NRG4: variants seen among roughly 807,000 people sequenced by gnomAD.
NRG4 encodes the protein pro-neuregulin-4, membrane-bound isoform.
In NRG4, 10 loss-of-function variants were observed where a neutral mutation model predicts 15.0. That is an observed-to-expected ratio of 0.67 (90% confidence interval 0.41 to 1.13). The LOEUF is 1.13. Among genes scored for constraint, NRG4 ranks in the 50% most tolerant of loss-of-function variants. NRG4 has a pLI of 0.00. For synonymous variants in NRG4, 41 were observed against 50.1 expected (o/e 0.82, Z 0.77); for missense variants, 139 against 140.2 (o/e 0.99, Z 0.04).
In NRG4 at chr15:76,022,939, G is replaced by A. The variant is rs549268454; in HGVS notation, c.-56-11653C>T. On this transcript the variant is annotated intron_variant, in intron 5 of 8. Transcript: ENST00000563910. ...GCACAGGAATTAGGACAAAGAGAAA[G>A]ATAATTAAAGACATACTTAGGAGGT... Among the ~76,000 whole-genome samples the A allele has an allele frequency of 9.2e-5, 14 of 152,112 alleles. No homozygotes were observed. The South Asian group carries it at 2.9e-3, about 32-fold the overall frequency.
At chr15:75,967,245 C>G (rs1008652187) in intron 3 of NRG4, among the ~76,000 whole-genome samples, 2 of 151,462 alleles carry the variant, frequency 1.3e-5, no homozygotes, top group African/African-American at 4.9e-5. Flanking sequence ...ACCTTTGCAT[C>G]TTTTATTAGC....
At chr15:76,035,294 C>T (rs962089771) in intron 5 of NRG4, among the ~76,000 whole-genome samples, 1 of 152,216 alleles carries the variant, frequency 6.6e-6, no homozygotes, top group African/African-American at 2.4e-5. Context: ...AAAGTACCAG[C>T]CACCTCTGTC....
chr15:75,958,459 G>T (rs2032354429), intron 4 of NRG4, among the ~76,000 whole-genome samples: 1 of 151,880 alleles, frequency 6.6e-6, no homozygotes, highest in Admixed American at 6.5e-5. Context: ...TTTATTCTAC[G>T]TTTGGTAATC....
chr15:75,993,392 TAAAAA>T (rs60453624), intron 3 of NRG4, among the ~76,000 whole-genome samples: 2 of 72,176 alleles, frequency 2.8e-5, no homozygotes, highest in African/African-American at 5.0e-5. Flanking sequence ...GAGGATTCTG[TAAAAA>T]AAAAAAAAAA....
intron 3 of NRG4, among the ~76,000 whole-genome samples, chr15:75,962,696 C>T (rs989477640): frequency 1.3e-5 from 2 of 152,144 alleles, no homozygotes; most frequent in Non-Finnish European, 2.9e-5. Flanking sequence ...ACCAATCATT[C>T]CTTTTTCCTT....
At chr15:76,048,771 G>A (rs537538831) in intron 4 of NRG4, among the ~76,000 whole-genome samples, 17 of 150,640 alleles carry the variant, frequency 1.1e-4, no homozygotes, top group South Asian at 8.3e-4. Context: ...GGGGCCAGGC[G>A]TGGTGGTTCA....
intron 5 of NRG4, chr15:75,945,932 C>T (rs1433324235): frequency 6.6e-6 from 1 of 152,106 alleles, no homozygotes. Flanking sequence ...GTAAGATTAG[C>T]AATAACTAAT....
intron 5 of NRG4, among the ~76,000 whole-genome samples, chr15:75,953,235 G>A (rs1026634697): frequency 2.6e-5 from 4 of 152,058 alleles, no homozygotes; most frequent in Non-Finnish European, 5.9e-5. Flanking sequence ...TTTTGTGAGT[G>A]GATATCCAGT....
At chr15:76,016,225 ATTCT>A (rs2034971192), upstream of NRG4, among the ~76,000 whole-genome samples, 1 of 150,774 alleles carries the variant, frequency 6.6e-6, no homozygotes, top group African/African-American at 2.4e-5. Flanking sequence ...TGTCTATTTG[ATTCT>A]TTCTTTTCTT....
At chr15:76,058,584 A>G (rs2036212901) in intron 1 of NRG4, among the ~76,000 whole-genome samples, 1 of 152,194 alleles carries the variant, frequency 6.6e-6, no homozygotes, top group Non-Finnish European at 1.5e-5. Context: ...GCAGGAAGAA[A>G]AGACAAAGGA....
chr15:76,048,200 G>A (rs996656324), intron 4 of NRG4, among the ~76,000 whole-genome samples: 10 of 149,628 alleles, frequency 6.7e-5, no homozygotes, highest in Non-Finnish European at 1.0e-4. Context: ...GGCTGGGCAC[G>A]GTAGCTCATG....
At chr15:75,968,450 T>C (rs919901147) in intron 3 of NRG4, among the ~76,000 whole-genome samples, 1 of 151,750 alleles carries the variant, frequency 6.6e-6, no homozygotes. Context: ...TAGCTGGGCA[T>C]GGTGGTGGGT....
chr15:75,971,118 G>A (rs866157171), intron 3 of NRG4: 8 of 353,072 alleles, frequency 2.3e-5, no homozygotes, highest in African/African-American at 6.5e-5. Context: ...TGTGGATACC[G>A]ACTAGTTTCA....
At position 75,944,915 on chromosome 15, in the gene NRG4, C is replaced by G. The variant is rs571369403; in HGVS notation, c.332-1261G>C. Among the ~76,000 whole-genome samples, 27 of 151,302 alleles carry G rather than the reference C, an allele frequency of 1.8e-4. 1 individual carries two copies. The highest frequency in any genetic ancestry group is 1.6e-3 in the Admixed American group (24 of 15,240). On this transcript the variant is annotated intron_variant, in intron 5 of 5. Transcript: ENST00000394907. ...TTAACCTTTGTTATGATGTCTTTTT[C>G]TTACAAAAAAACAACAGTAATTTAA...
chr15:75,948,254 A>T (rs569654398), intron 5 of NRG4, among the ~76,000 whole-genome samples: 1 of 151,538 alleles, frequency 6.6e-6, no homozygotes, highest in Non-Finnish European at 1.5e-5. Flanking sequence ...CATTCCCCCT[A>T]TGTTTTCTTC....
Position 75,943,614 on chromosome 15 carries a change from G to C in NRG4, c.*24C>G. ...TCTGCCTTTGTAAAATAAAAACAAT[G>C]ATTTGGTTCACTTTGACGTTTCTTC... On this transcript the variant is annotated 3_prime_UTR_variant, in exon 6 of 6. Transcript: ENST00000394907. 6.8e-7 allele frequency: 1 copy of C among 1,480,858 alleles called. No individual in the cohort carries two copies. Among genetic ancestry groups the C allele is most frequent in the South Asian group, 1.2e-5 (1 of 86,722 alleles). The allele number at this position is 1,480,858 out of a possible 1,614,324, so 91.7% of individuals were successfully genotyped here.
chr15:75,964,311 A>G (rs539280264), intron 3 of NRG4, among the ~76,000 whole-genome samples: 1 of 152,150 alleles, frequency 6.6e-6, no homozygotes, highest in South Asian at 2.1e-4. Context: ...TCTTTAAAAT[A>G]ACAAAAATAA....
intron 3 of NRG4, among the ~76,000 whole-genome samples, chr15:75,968,585 T>TATAAA (rs1491528717): frequency 4.1e-4 from 41 of 99,132 alleles, no homozygotes; most frequent in African/African-American, 1.4e-3. Flanking sequence ...AAACTCCATC[T>TATAAA]AAAAAAAAAA....
At chr15:76,021,523 G>A (rs1170943146) in intron 5 of NRG4, among the ~76,000 whole-genome samples, 4 of 152,188 alleles carry the variant, frequency 2.6e-5, no homozygotes, top group African/African-American at 4.8e-5. Flanking sequence ...TCTCAGAGGT[G>A]TGCTTGTACA....
Sources: gnomAD v4.1 joint callset for allele counts (sites outside exome capture counted in the v4.1 genomes callset) on GRCh38, gnomAD v4.1.1 for gene constraint, MANE v1.5 for transcripts, NCBI Gene and HGNC (gene_info 2026-07-23, HGNC 2026-07-21) for gene names.